MDFIC: variants seen among roughly 807,000 people sequenced by gnomAD.
MDFIC encodes myoD family inhibitor domain-containing protein.
In MDFIC, 17 loss-of-function variants were observed where a neutral mutation model predicts 23.2. The ratio of observed to expected loss-of-function variants is 0.73; its 90% CI spans 0.50 to 1.10. MDFIC has a LOEUF of 1.10. Ranked by LOEUF, MDFIC falls within the 50% of genes least tolerant of loss-of-function variation. MDFIC has a pLI of 0.00. For synonymous variants in MDFIC, 120 were observed against 115.2 expected, an observed-to-expected ratio of 1.04 and a Z score of -0.27; for missense variants, 356 against 316.6, an observed-to-expected ratio of 1.12 and a Z score of -0.95.
Position 115,015,756 on chromosome 7 carries a change from G to A in MDFIC, c.562G>A (p.Gly188Arg). 6.2e-7 allele frequency: 1 copy of A among 1,614,126 alleles called. No individual in the cohort carries two copies. The highest frequency in any genetic ancestry group is 8.5e-7 in the Non-Finnish European group (1 of 1,180,026). The change falls in exon 5 of 5, where the codon GGA (glycine) becomes AGA (arginine). Residue 188 changes from glycine (G) to arginine (R), a missense_variant. By Grantham distance (125) the Gly-to-Arg change is moderately radical. Coordinates refer to ENST00000393486, the MANE Select transcript of MDFIC (RefSeq NM_001166345.3). ...CCTGACCCTTTGCAACATTGTCCTG[G>A]GACAAGCGTCATGTGGCATCTGCAC... ...EFLTLCNIVL[G>R]QASCGICTSE...
At chr7:114,927,253 T>C (rs530480263) in intron 2 of MDFIC, among the ~76,000 whole-genome samples, 1 of 152,270 alleles carries the variant, frequency 6.6e-6, no homozygotes, top group East Asian at 1.9e-4. Context: ...TTAACTCTAG[T>C]TGAGAATCAT....
rs796295515 is a variant in MDFIC at position 114,995,406 on chromosome 7, G to C, written c.493+15625G>C. Among the ~76,000 whole-genome samples the C allele has an allele frequency of 6.0e-4, 91 of 152,326 alleles. 1 individual carries two copies. The highest frequency in any genetic ancestry group is 1.9e-3 in the African/African-American group (78 of 41,574). On this transcript the variant is annotated intron_variant, in intron 4 of 4. Coordinates refer to ENST00000393486, the MANE Select transcript of MDFIC (RefSeq NM_001166345.3). ...TGCTGGCGAGGAGCTGTGTTCCTTT[G>C]GAGGGGGATAGGCACTCTGATTTTT...
At position 114,979,671 on chromosome 7, in the gene MDFIC, C is replaced by T. The variant is rs748686843; in HGVS notation, c.383C>T (p.Ser128Phe). ...AATCGCAAACTTTCAGCACCTGTTT[C>T]TCAAAAAATGCATAGAAAAATTCAG... ...ADNRKLSAPV[S>F]QKMHRKIQSS... Residue 128 changes from serine (S) to phenylalanine (F), a missense_variant, in exon 4 of 5, where the codon TCT becomes TTT. Ser to Phe is a radical substitution (Grantham distance 155). Coordinates refer to ENST00000393486, the MANE Select transcript of MDFIC (RefSeq NM_001166345.3). 40 of 1,613,880 alleles carry T rather than the reference C, an allele frequency of 2.5e-5. No individual in the cohort carries two copies. Among genetic ancestry groups the T allele is most frequent in the Non-Finnish European group, 3.2e-5 (38 of 1,179,974 alleles).
chr7:114,940,896 T>C lies in MDFIC; in HGVS notation c.95-1379T>C, dbSNP rs1792524059. Among the ~76,000 whole-genome samples the C allele has an allele frequency of 2.6e-5, 4 of 152,196 alleles. No individual in the cohort carries two copies. The South Asian group carries it at 8.3e-4, about 31-fold the overall frequency. Reference sequence around the variant, plus strand: ...TTGATAATCTTTACAAACCTCTAGTTAGTTTCTCACATTTACTCCCTATTC... The same window carrying C: ...TTGATAATCTTTACAAACCTCTAGTCAGTTTCTCACATTTACTCCCTATTC... On this transcript the variant is annotated intron_variant, in intron 2 of 4. Transcript: ENST00000393486.
chr7:114,972,294 T>C (rs1202099924), intron 3 of MDFIC, among the ~76,000 whole-genome samples: 6 of 152,172 alleles, frequency 3.9e-5, no homozygotes, highest in African/African-American at 1.4e-4. Context: ...TGTTAGCAGT[T>C]ACACATACAT....
rs147479370 is a variant in MDFIC, at chr7:114,983,687, C to T, written c.493+3906C>T. 8.1e-3 allele frequency among the ~76,000 whole-genome samples: 1,224 copies of T among 151,004 alleles called. 22 individuals are homozygous for T. Among genetic ancestry groups the T allele is most frequent in the Admixed American group, 0.037 (558 of 15,080 alleles). Reference sequence around the variant, plus strand: ...AATTCAAGCGATTCGCCTGCCTCAGCCTCCTGAGTAGCTGGAATTACAGGC... The same window carrying T: ...AATTCAAGCGATTCGCCTGCCTCAGTCTCCTGAGTAGCTGGAATTACAGGC... On this transcript the variant is annotated intron_variant, in intron 4 of 4. Coordinates refer to ENST00000393486, the MANE Select transcript of MDFIC (RefSeq NM_001166345.3).
chr7:114,991,622 CTT>C (rs1270700532), intron 4 of MDFIC, among the ~76,000 whole-genome samples: 1 of 152,156 alleles, frequency 6.6e-6, no homozygotes, highest in Non-Finnish European at 1.5e-5. Flanking sequence ...TTCCCCATTT[CTT>C]GTTTTTGTCA....
chr7:114,922,236 G>C lies in MDFIC; in HGVS notation c.-508G>C. ...CCGAGCCCGGGTCGCGCCGCTCCCA[G>C]CATCGGGGCCGCTAGCCAAGAGTTC... On this transcript the variant is annotated 5_prime_UTR_variant, in exon 1 of 5. Transcript: ENST00000393486. 3.6e-6 allele frequency: 2 copies of C among 560,666 alleles called. No homozygotes were observed. The highest frequency in any genetic ancestry group is 5.3e-6 in the Non-Finnish European group (2 of 375,896). The allele number at this position is 560,666 out of a possible 1,614,324, so 34.7% of individuals were successfully genotyped here. A position where few individuals can be genotyped will look rare whatever the true frequency, so the allele number is the denominator to read the frequency against.
At chr7:114,972,343 C>G (rs1374735522) in intron 3 of MDFIC, among the ~76,000 whole-genome samples, 1 of 152,104 alleles carries the variant, frequency 6.6e-6, no homozygotes, top group African/African-American at 2.4e-5. Context: ...TCCCAGATTG[C>G]CGGGGACCGA....
At chr7:114,988,389 T>C (rs1319229923) in intron 4 of MDFIC, among the ~76,000 whole-genome samples, 1 of 152,182 alleles carries the variant, frequency 6.6e-6, no homozygotes, top group Non-Finnish European at 1.5e-5. Context: ...AGTACAGTGA[T>C]GAAATGTTAG....
chr7:114,979,825 A>C, intron 4 of MDFIC, 44 bp downstream of exon 4: 5 of 1,580,886 alleles, frequency 3.2e-6, no homozygotes, highest in Non-Finnish European at 4.3e-6. Flanking sequence ...CAGATGTAAA[A>C]TAATATTTCC....
chr7:114,986,423 A>T (rs1563149823), intron 4 of MDFIC, among the ~76,000 whole-genome samples: 1 of 152,194 alleles, frequency 6.6e-6, no homozygotes, highest in African/African-American at 2.4e-5. Flanking sequence ...GGGATTAAGC[A>T]GAATTGGGCA....
At position 115,019,886 on chromosome 7, in the gene MDFIC, G is replaced by A. The variant is rs1028879450; in HGVS notation, c.*3951G>A. 2.6e-5 allele frequency among the ~76,000 whole-genome samples: 4 copies of A among 151,854 alleles called. No individual in the cohort carries two copies. Among genetic ancestry groups the A allele is most frequent in the Non-Finnish European group, 5.9e-5 (4 of 67,970 alleles). ...AGAATCCTTTCAACCCTTCATCTTCGTATGCTTATACAATAAATTGCAGTG... is the reference window on the plus strand; with the variant it reads ...AGAATCCTTTCAACCCTTCATCTTCATATGCTTATACAATAAATTGCAGTG... On this transcript the variant is annotated 3_prime_UTR_variant, in exon 5 of 5. Coordinates refer to ENST00000393486, the MANE Select transcript of MDFIC (RefSeq NM_001166345.3).
intron 4 of MDFIC, among the ~76,000 whole-genome samples, chr7:115,001,422 G>A (rs193193496): frequency 6.6e-6 from 1 of 152,278 alleles, no homozygotes; most frequent in Admixed American, 6.5e-5. Flanking sequence ...ACTAGAAGTT[G>A]AAGTTTATTT....
At chr7:114,976,625 A>C (rs1016617139) in intron 3 of MDFIC, among the ~76,000 whole-genome samples, 4 of 152,158 alleles carry the variant, frequency 2.6e-5, no homozygotes, top group African/African-American at 7.2e-5. Flanking sequence ...GAACTGAAAA[A>C]CGGTAACAGG....
rs4577896 is a variant in MDFIC at position 114,960,655 on chromosome 7, T to C, written c.217+18258T>C. On this transcript the variant is annotated intron_variant, in intron 3 of 4. Transcript: ENST00000393486. ...TTATAAGTACCAATGTCCCAGACACTCAGATTTAATAAGTGTTAACATTTT... is the reference window on the plus strand; with the variant it reads ...TTATAAGTACCAATGTCCCAGACACCCAGATTTAATAAGTGTTAACATTTT... 2.8e-4 allele frequency among the ~76,000 whole-genome samples: 42 copies of C among 152,274 alleles called. 1 individual carries two copies. Among genetic ancestry groups the C allele is most frequent in the African/African-American group, 7.9e-4 (33 of 41,538 alleles).
intron 3 of MDFIC, among the ~76,000 whole-genome samples, chr7:114,960,694 G>T (rs914656531): frequency 6.6e-6 from 1 of 151,998 alleles, no homozygotes; most frequent in Non-Finnish European, 1.5e-5. Context: ...AAATTTTCTG[G>T]AGTTTTTGTT....
At chr7:114,937,676 A>G (rs1294450713) in intron 2 of MDFIC, among the ~76,000 whole-genome samples, 1 of 152,060 alleles carries the variant, frequency 6.6e-6, no homozygotes, top group Non-Finnish European at 1.5e-5. Context: ...TTGATTGTTT[A>G]TGTGTGTGTG....
At chr7:114,976,272 C>T (rs954683431) in intron 3 of MDFIC, among the ~76,000 whole-genome samples, 1 of 152,096 alleles carries the variant, frequency 6.6e-6, no homozygotes, top group African/African-American at 2.4e-5. Flanking sequence ...TGGTCAATGA[C>T]ATTTCAACTC....
Sources: allele counts gnomAD v4.1 joint callset (sites outside exome capture counted in the v4.1 genomes callset), GRCh38; gene constraint gnomAD v4.1.1; transcripts MANE v1.5; gene names NCBI Gene and HGNC (gene_info 2026-07-23, HGNC 2026-07-21).